Variants in ERO1B observed in about 807,000 individuals in gnomAD.
ERO1B encodes ERO1-like protein beta.
ERO1B carries 49 observed loss-of-function variants against 75.3 expected under a neutral mutation model. That is an observed-to-expected ratio of 0.65 (90% CI 0.52 to 0.83). The LOEUF (loss-of-function observed/expected upper bound fraction) is 0.83, where lower values mean the gene tolerates loss of function less well. Among genes scored for constraint, ERO1B ranks in the 40% least tolerant of loss-of-function variants. The pLI is 0.00. For missense variants in ERO1B, 512 were observed against 560.1 expected, an observed-to-expected ratio of 0.91 and a Z score of 0.87; for synonymous variants, 191 against 192.9, an observed-to-expected ratio of 0.99 and a Z score of 0.08.
chr1:236,272,480 T>C (rs1665613781), intron 1 of ERO1B, among the ~76,000 whole-genome samples: 1 of 152,144 alleles, frequency 6.6e-6, no homozygotes, highest in Admixed American at 6.6e-5. Flanking sequence ...AAATACTGCA[T>C]GTTCTCACTT....
Position 236,238,123 on chromosome 1 carries a change from ATAAC to A in ERO1B, c.506-1729_506-1726del, listed in dbSNP as rs536384227. On this transcript the variant is annotated intron_variant, in intron 6 of 15. Transcript: ENST00000354619. ...TTCATGATGTAGGAAGAATACAAGG[ATAAC>A]TAACAATTTACTGTATTAAATGGGT... is the stretch of plus-strand genomic sequence containing the variant. Among the ~76,000 whole-genome samples the A allele has an allele frequency of 1.9e-3, 282 of 152,308 alleles. 1 individual carries two copies. The highest frequency in any genetic ancestry group is 6.5e-3 in the African/African-American group (270 of 41,578).
intron 7 of ERO1B, 58 bp downstream of exon 7, chr1:236,236,220 C>T (rs1039404011): frequency 6.2e-7 from 1 of 1,604,708 alleles, no homozygotes; most frequent in Non-Finnish European, 8.5e-7. Context: ...AGCCACAGCA[C>T]CCGGCCTCTC....
intron 12 of ERO1B, 22 bp downstream of exon 12, chr1:236,226,247 A>G (rs1363300436): frequency 2.5e-6 from 4 of 1,609,462 alleles, no homozygotes; most frequent in Non-Finnish European, 3.4e-6. Flanking sequence ...AGAATTTCAA[A>G]TCACGGATAG....
At chr1:236,281,433 A>C in intron 1 of ERO1B, 1 of 365,020 alleles carries the variant, frequency 2.7e-6, no homozygotes. Flanking sequence ...GCTCAGGGGG[A>C]CCGTCACCAT....
intron 2 of ERO1B, among the ~76,000 whole-genome samples, chr1:236,263,397 C>A (rs1356688258): frequency 2.0e-5 from 3 of 151,944 alleles, no homozygotes; most frequent in African/African-American, 4.8e-5. Context: ...TACAAGCACA[C>A]TCCACCACGC....
At chr1:236,239,983 C>G (rs1347158080) in intron 6 of ERO1B, among the ~76,000 whole-genome samples, 1 of 148,100 alleles carries the variant, frequency 6.8e-6, no homozygotes, top group African/African-American at 2.5e-5. Context: ...CAGCTCAATG[C>G]AACCTCTGCC....
At position 236,281,922 on chromosome 1, in the gene ERO1B, C is replaced by T. The variant is rs930213522; in HGVS notation, c.-139G>A. The T allele has an allele frequency of 2.5e-5, 12 of 472,828 alleles. No homozygotes were observed. Among genetic ancestry groups the T allele is most frequent in the African/African-American group, 2.0e-4 (10 of 49,938 alleles). The allele number at this position is 472,828 out of a possible 1,614,324, so 29.3% of individuals were successfully genotyped here. ...AGAGGTCTGCACTCCAGTCCGGAGG[C>T]AGGCGACTCTTTCCCCAACACCCGG... On this transcript the variant is annotated 5_prime_UTR_variant, in exon 1 of 16. Transcript: ENST00000354619.
chr1:236,239,909 A>AT lies in ERO1B; in HGVS notation c.505+3512dup, dbSNP rs1345692165. Among the ~76,000 whole-genome samples the AT allele has an allele frequency of 6.3e-3, 675 of 106,944 alleles. 28 individuals are homozygous for AT. The highest frequency in any genetic ancestry group is 0.021 in the African/African-American group (593 of 28,822). The allele number at this position is 106,944 out of a possible 152,430, so 70.2% of individuals were successfully genotyped here. The stretch of plus-strand genomic sequence containing the variant: ...TGTGTGTGTATATATATATATATAT[A>AT]TATTTTTTTTTTTTGCGATGAGGCT... On this transcript the variant is annotated intron_variant, in intron 6 of 15. Transcript: ENST00000354619.
At chr1:236,266,888 C>CTG (rs1665455092) in intron 2 of ERO1B, among the ~76,000 whole-genome samples, 1 of 152,198 alleles carries the variant, frequency 6.6e-6, no homozygotes, top group Admixed American at 6.5e-5. Context: ...AATAATTTCA[C>CTG]TGTGTTGATC....
intron 8 of ERO1B, among the ~76,000 whole-genome samples, chr1:236,233,461 G>A (rs181211052): frequency 6.6e-6 from 1 of 151,784 alleles, no homozygotes; most frequent in Non-Finnish European, 1.5e-5. Context: ...AGCCAGGCGT[G>A]GTGACCGGCA....
Position 236,253,411 on chromosome 1 carries a change from A to G in ERO1B, c.306+11T>C. On this transcript the variant is annotated intron_variant, in intron 3 of 15. Coordinates refer to ENST00000354619, the MANE Select transcript of ERO1B (RefSeq NM_019891.4). ...AAAATTGGCTTTGCCCTGTTATTTT[A>G]TTTATTATACCTCTGGACAGGGCTC... is the stretch of plus-strand genomic sequence containing the variant. 2 of 1,560,632 alleles carry G rather than the reference A, an allele frequency of 1.3e-6. No homozygotes were observed. Among genetic ancestry groups the G allele is most frequent in the South Asian group, 1.1e-5 (1 of 87,072 alleles).
At position 236,249,885 on chromosome 1, in the gene ERO1B, C is replaced by T; in HGVS notation, c.431G>A (p.Ser144Asn). ...TTAATATTACCAAAATAAAACTTGC[C>T]TTAATGTGCTGTTAATTGCTCCCAG... Reference protein sequence around the residue: ...NKLGAINSTLSNQSKEAFIDW... With the variant: ...NKLGAINSTLNNQSKEAFIDW... The change falls in exon 5 of 16, where the codon AGT (serine) becomes AAT (asparagine). Residue 144 changes from serine to asparagine, a missense_variant and splice_region_variant. Coordinates refer to ENST00000354619, the MANE Select transcript of ERO1B (RefSeq NM_019891.4). 1 of 1,574,534 alleles carries T rather than the reference C, an allele frequency of 6.4e-7. No homozygotes were observed. The highest frequency in any genetic ancestry group is 8.6e-7 in the Non-Finnish European group (1 of 1,162,636).
chr1:236,276,385 C>T (rs1228913034), intron 1 of ERO1B, among the ~76,000 whole-genome samples: 1 of 152,092 alleles, frequency 6.6e-6, no homozygotes. Flanking sequence ...AAGCTTTGAA[C>T]CCTGAGGTTC....
chr1:236,225,125 T>C lies in ERO1B; in HGVS notation c.1067A>G (p.His356Arg), dbSNP rs745333367. 1 of 1,613,880 alleles carries C rather than the reference T, an allele frequency of 6.2e-7. No homozygotes were observed. Among genetic ancestry groups the C allele is most frequent in the Non-Finnish European group, 8.5e-7 (1 of 1,179,798 alleles). Residue 356 changes from histidine to arginine, a missense_variant, in exon 13 of 16, where the codon CAC becomes CGC. By Grantham distance (29) the His-to-Arg change is conservative. Coordinates refer to ENST00000354619, the MANE Select transcript of ERO1B (RefSeq NM_019891.4). ...TGCAAACATGGATTTCTCATCAAAG[T>C]GCATGGGAAAGGACCTGATAAAATG... ...IFQDTKSFPM[H>R]FDEKSMFAGD...
intron 4 of ERO1B, among the ~76,000 whole-genome samples, chr1:236,250,574 T>C (rs1467762399): frequency 2.6e-4 from 2 of 7,610 alleles, no homozygotes; most frequent in African/African-American, 1.5e-3. Context: ...AATTTGACCA[T>C]ATATATATAT....
chr1:236,281,709 G>A lies in ERO1B; in HGVS notation c.75C>T (p.Ser25=). The A allele has an allele frequency of 1.3e-6, 2 of 1,508,978 alleles. No homozygotes were observed. Among genetic ancestry groups the A allele is most frequent in the African/African-American group, 1.4e-5 (1 of 70,682 alleles). The allele number at this position is 1,508,978 out of a possible 1,614,324, so 93.5% of individuals were successfully genotyped here. The change falls in exon 1 of 16, where the codon AGC becomes AGT. Residue 25 remains serine (S), a synonymous_variant. Transcript: ENST00000354619. The part of the protein sequence containing the change: ...AAAVQLLVTL[S]FLRSVVEAQV... ...GCGCCTCGACGACGCTCCGCAGGAA[G>A]CTCAGGGTGACCAGCAGCTGCACCG...
chr1:236,262,229 C>T (rs1227542732), intron 2 of ERO1B, among the ~76,000 whole-genome samples: 4 of 152,166 alleles, frequency 2.6e-5, no homozygotes, highest in Admixed American at 2.6e-4. Flanking sequence ...GTGCCAAGAA[C>T]ACACAACAGG....
chr1:236,239,809 G>GTGTGTATATATATATGTGTATATATA (rs1553371235), intron 6 of ERO1B, among the ~76,000 whole-genome samples: 13 of 47,270 alleles, frequency 2.8e-4, no homozygotes, highest in African/African-American at 5.0e-4. Context: ...ATATATATGT[G>GTGTGTATATATATATGTGTATATATA]TGTATATATA....
At position 236,253,266 on chromosome 1, in the gene ERO1B, T is replaced by A. The variant is rs558570788; in HGVS notation, c.306+156A>T. On this transcript the variant is annotated intron_variant, in intron 3 of 15. Coordinates refer to ENST00000354619, the MANE Select transcript of ERO1B (RefSeq NM_019891.4). The stretch of plus-strand genomic sequence containing the variant: ...ACCCATTTTGGTGTCAAGTATAGAA[T>A]CTTCAATAATCTGGTTCTAAAGGAG... 3.3e-5 allele frequency among the ~76,000 whole-genome samples: 5 copies of A among 152,320 alleles called. No homozygotes were observed. In the East Asian group the frequency reaches 9.6e-4, roughly 29 times the overall value.
Sources: allele counts gnomAD v4.1 joint callset (sites outside exome capture counted in the v4.1 genomes callset), GRCh38; gene constraint gnomAD v4.1.1; transcripts MANE v1.5; gene names NCBI Gene and HGNC (gene_info 2026-07-23, HGNC 2026-07-21).